PLXDC2: variants seen among roughly 807,000 people sequenced by gnomAD.
PLXDC2 encodes the protein plexin domain-containing protein 2.
PLXDC2 carries 40 observed loss-of-function variants against 68.9 expected under a neutral mutation model. The ratio of observed to expected loss-of-function variants is 0.58; its 90% CI spans 0.45 to 0.76. The LOEUF is 0.76. Among genes scored for constraint, PLXDC2 ranks in the 30% least tolerant of loss-of-function variants. The pLI is 0.00. For synonymous variants in PLXDC2, 243 were observed against 234.2 expected, an observed-to-expected ratio of 1.04 and a Z score of -0.34; for missense variants, 644 against 661.9, an observed-to-expected ratio of 0.97 and a Z score of 0.30.
At chr10:19,934,438 G>C (rs1833690534) in intron 1 of PLXDC2, among the ~76,000 whole-genome samples, 1 of 152,142 alleles carries the variant, frequency 6.6e-6, no homozygotes, top group Non-Finnish European at 1.5e-5. Context: ...AGAACAACAA[G>C]AGAGATGCCA....
chr10:19,944,950 C>T (rs1291123686), intron 1 of PLXDC2, among the ~76,000 whole-genome samples: 1 of 151,966 alleles, frequency 6.6e-6, no homozygotes, highest in Non-Finnish European at 1.5e-5. Flanking sequence ...GAAACTCCAT[C>T]TCAAACAAAA....
chr10:20,008,411 A>T (rs928033284), intron 2 of PLXDC2, among the ~76,000 whole-genome samples: 1 of 152,114 alleles, frequency 6.6e-6, no homozygotes, highest in Non-Finnish European at 1.5e-5. Flanking sequence ...AAAATTAGCC[A>T]GGCATGGTGG....
intron 1 of PLXDC2, among the ~76,000 whole-genome samples, chr10:19,820,951 C>A (rs1428343493): frequency 6.6e-6 from 1 of 151,886 alleles, no homozygotes; most frequent in Non-Finnish European, 1.5e-5. Flanking sequence ...GGTGGTAGAC[C>A]CCTATAATCC....
At chr10:19,837,376 TTGAG>T (rs1377361145) in intron 1 of PLXDC2, among the ~76,000 whole-genome samples, 1 of 143,832 alleles carries the variant, frequency 7.0e-6, no homozygotes. Flanking sequence ...TGTTTTCTCA[TTGAG>T]TAAGTGAGAG....
intron 1 of PLXDC2, among the ~76,000 whole-genome samples, chr10:19,824,961 C>T (rs1836542827): frequency 6.6e-6 from 1 of 152,146 alleles, no homozygotes; most frequent in Non-Finnish European, 1.5e-5. Flanking sequence ...GGGTCAGACA[C>T]TAAGTGACGT....
At chr10:20,255,424 A>T (rs922742865) in intron 13 of PLXDC2, among the ~76,000 whole-genome samples, 1 of 152,154 alleles carries the variant, frequency 6.6e-6, no homozygotes, top group Non-Finnish European at 1.5e-5. Flanking sequence ...CCAACTGTTG[A>T]ATAATTTCTT....
At position 20,048,864 on chromosome 10, in the gene PLXDC2, A is replaced by C. The variant is rs184788617; in HGVS notation, c.471+1849A>C. Among the ~76,000 whole-genome samples the C allele has an allele frequency of 8.7e-4, 132 of 152,200 alleles. 1 individual carries two copies. Among genetic ancestry groups the C allele is most frequent in the African/African-American group, 3.1e-3 (129 of 41,560 alleles). ...CAGCTCTCTGATTGTGTCATGAAAAATGATAATACTGTAGACAGTCCATTT... is the reference window on the plus strand; with the variant it reads ...CAGCTCTCTGATTGTGTCATGAAAACTGATAATACTGTAGACAGTCCATTT... On this transcript the variant is annotated intron_variant, in intron 3 of 13. Coordinates refer to ENST00000377252, the MANE Select transcript of PLXDC2 (RefSeq NM_032812.9).
intron 2 of PLXDC2, among the ~76,000 whole-genome samples, chr10:20,028,323 A>G (rs1236463135): frequency 6.6e-6 from 1 of 152,172 alleles, no homozygotes; most frequent in Middle Eastern, 3.2e-3. Flanking sequence ...GCTCTAGTTC[A>G]AAGGGATTTG....
intron 3 of PLXDC2, among the ~76,000 whole-genome samples, chr10:20,058,622 G>A (rs1836044689): frequency 6.6e-6 from 1 of 152,140 alleles, no homozygotes; most frequent in South Asian, 2.1e-4. Flanking sequence ...TGGAAATTAG[G>A]GAGTTTGTTC....
intron 4 of PLXDC2, among the ~76,000 whole-genome samples, chr10:20,104,544 G>A (rs1833464236): frequency 6.6e-6 from 1 of 152,134 alleles, no homozygotes; most frequent in African/African-American, 2.4e-5. Flanking sequence ...TTTTTCTAAT[G>A]AAAGTAGCAA....
chr10:20,047,919 A>G (rs1021056587), intron 3 of PLXDC2, among the ~76,000 whole-genome samples: 6 of 152,132 alleles, frequency 3.9e-5, no homozygotes, highest in Non-Finnish European at 8.8e-5. Flanking sequence ...CTTGGTTCTC[A>G]GAATGTTCTT....
At chr10:19,901,202 T>C (rs567425993) in intron 1 of PLXDC2, among the ~76,000 whole-genome samples, 1 of 152,296 alleles carries the variant, frequency 6.6e-6, no homozygotes, top group South Asian at 2.1e-4. Context: ...AGTAATGGGA[T>C]TGCTGGATCA....
intron 7 of PLXDC2, among the ~76,000 whole-genome samples, chr10:20,166,224 C>G (rs1450576049): frequency 6.6e-6 from 1 of 152,070 alleles, no homozygotes; most frequent in East Asian, 1.9e-4. Flanking sequence ...TAAGGGTTAT[C>G]TTACAACCGT....
intron 9 of PLXDC2, among the ~76,000 whole-genome samples, chr10:20,193,181 C>G (rs1344999927): frequency 6.6e-6 from 1 of 152,056 alleles, no homozygotes; most frequent in African/African-American, 2.4e-5. Flanking sequence ...TGCAATTATT[C>G]TCCATAATGG....
intron 1 of PLXDC2, among the ~76,000 whole-genome samples, chr10:19,877,973 A>G (rs1837663461): frequency 6.6e-6 from 1 of 152,214 alleles, no homozygotes; most frequent in African/African-American, 2.4e-5. Flanking sequence ...GCATTGCCAC[A>G]ATATGTCCCA....
chr10:19,915,685 A>G (rs1419092941), intron 1 of PLXDC2, among the ~76,000 whole-genome samples: 1 of 151,988 alleles, frequency 6.6e-6, no homozygotes, highest in African/African-American at 2.4e-5. Flanking sequence ...GGTCCCTAGA[A>G]ACTCTGTCTT....
chr10:20,248,167 G>A (rs1004257776), intron 13 of PLXDC2, among the ~76,000 whole-genome samples: 3 of 152,174 alleles, frequency 2.0e-5, no homozygotes, highest in Admixed American at 6.5e-5. Flanking sequence ...GATGGTGATG[G>A]TATTAGCAGC....
intron 13 of PLXDC2, among the ~76,000 whole-genome samples, chr10:20,271,707 T>G (rs1348993201): frequency 6.6e-6 from 1 of 152,084 alleles, no homozygotes; most frequent in Non-Finnish European, 1.5e-5. Context: ...CTCTATGGAA[T>G]GCAGGCTGGC....
intron 1 of PLXDC2, among the ~76,000 whole-genome samples, chr10:19,916,934 T>C (rs967549088): frequency 6.6e-6 from 1 of 152,244 alleles, no homozygotes; most frequent in East Asian, 1.9e-4. Flanking sequence ...AGTGGTTAAA[T>C]ATAACTTTTT....
Sources: gnomAD v4.1 joint callset for allele counts (sites outside exome capture counted in the v4.1 genomes callset) on GRCh38, gnomAD v4.1.1 for gene constraint, MANE v1.5 for transcripts, NCBI Gene and HGNC (gene_info 2026-07-23, HGNC 2026-07-21) for gene names.